The following SUMF1 variants were observed in gnomAD, a reference collection of about 807,000 sequenced individuals.
SUMF1 encodes the protein formylglycine-generating enzyme.
SUMF1 carries 48 observed loss-of-function variants against 47.6 expected under a neutral mutation model. The ratio of observed to expected loss-of-function variants is 1.01; its 90% confidence interval spans 0.80 to 1.28. The LOEUF (loss-of-function observed/expected upper bound fraction) is 1.28. SUMF1 is among the 50% of genes most tolerant of loss of function. The probability of loss-of-function intolerance (pLI) is 0.00; values close to 1 mark genes in which losing one functional copy is unlikely to be tolerated. For missense variants in SUMF1, 571 were observed against 485.4 expected, an observed-to-expected ratio of 1.18 and a Z score of -1.66; for synonymous variants, 230 against 192.1, an observed-to-expected ratio of 1.20 and a Z score of -1.63.
At chr3:4,142,480 T>A (rs757208770) in intron 8 of SUMF1, among the ~76,000 whole-genome samples, 3 of 152,132 alleles carry the variant, frequency 2.0e-5, no homozygotes, top group African/African-American at 4.8e-5. Flanking sequence ...TATTTTGTAA[T>A]CCTTAATTAT....
At chr3:4,435,829 G>T (rs578190809) in intron 3 of SUMF1, among the ~76,000 whole-genome samples, 2 of 152,190 alleles carry the variant, frequency 1.3e-5, no homozygotes, top group Admixed American at 1.3e-4. Context: ...AAAACTAAGA[G>T]AATTCATTAC....
rs530760338 is a variant in SUMF1 at position 4,416,563 on chromosome 3, G to T, written c.840+565C>A. Among the ~76,000 whole-genome samples, 2 of 152,354 alleles carry T rather than the reference G, an allele frequency of 1.3e-5. 1 individual carries two copies. The highest frequency in any genetic ancestry group is 4.1e-4 in the South Asian group (2 of 4,834). On this transcript the variant is annotated intron_variant, in intron 6 of 8. Coordinates refer to ENST00000272902, the MANE Select transcript of SUMF1 (RefSeq NM_182760.4). ...ACGGTAGTTAAGAGCATGGGCTTTGGAAATAAACCGACCTGGTTCAAATTC... is the reference window on the plus strand; with the variant it reads ...ACGGTAGTTAAGAGCATGGGCTTTGTAAATAAACCGACCTGGTTCAAATTC...
intron 8 of SUMF1, among the ~76,000 whole-genome samples, chr3:4,287,482 A>T (rs561901711): frequency 9.2e-5 from 14 of 152,030 alleles, no homozygotes; most frequent in Non-Finnish European, 1.8e-4. Context: ...CAACCTTCTA[A>T]CTTTGGAATC....
intron 8 of SUMF1, among the ~76,000 whole-genome samples, chr3:4,199,731 G>A (rs564916029): frequency 4.6e-5 from 7 of 151,974 alleles, no homozygotes; most frequent in African/African-American, 1.5e-4. Context: ...TAACAATGTT[G>A]AACATTGTTT....
chr3:4,249,520 C>T (rs180870541), intron 8 of SUMF1, among the ~76,000 whole-genome samples: 191 of 152,134 alleles, frequency 1.3e-3, no homozygotes, highest in African/African-American at 4.4e-3. Flanking sequence ...TTGGGGGCAC[C>T]ACAAATCACG....
intron 9 of SUMF1, among the ~76,000 whole-genome samples, chr3:4,034,770 T>C (rs1694761976): frequency 6.6e-6 from 1 of 151,904 alleles, no homozygotes; most frequent in Non-Finnish European, 1.5e-5. Flanking sequence ...CAGACAGACA[T>C]AAGTAATACA....
intron 8 of SUMF1, among the ~76,000 whole-genome samples, chr3:4,219,015 T>G (rs1241355686): frequency 6.6e-6 from 1 of 152,120 alleles, no homozygotes; most frequent in Non-Finnish European, 1.5e-5. Flanking sequence ...ATCAAAAACA[T>G]TCCGTAAGCT....
intron 3 of SUMF1, among the ~76,000 whole-genome samples, chr3:4,424,678 A>G (rs1702012576): frequency 6.6e-6 from 1 of 152,246 alleles, no homozygotes. Flanking sequence ...ACACTCTGAC[A>G]TGGAAATATG....
At chr3:4,327,724 C>A (rs191269905) in intron 8 of SUMF1, among the ~76,000 whole-genome samples, 162 of 152,108 alleles carry the variant, frequency 1.1e-3, no homozygotes, top group South Asian at 2.3e-3. Flanking sequence ...CAAATAAGCT[C>A]AATATGTCTC....
At chr3:4,327,204 C>G (rs1183286620) in intron 8 of SUMF1, among the ~76,000 whole-genome samples, 1 of 152,182 alleles carries the variant, frequency 6.6e-6, no homozygotes, top group African/African-American at 2.4e-5. Flanking sequence ...TTTCAGTCCT[C>G]TATTAGTTCA....
At chr3:4,046,756 A>C (rs1000207684) in intron 9 of SUMF1, among the ~76,000 whole-genome samples, 1 of 152,172 alleles carries the variant, frequency 6.6e-6, no homozygotes, top group Non-Finnish European at 1.5e-5. Context: ...TCCTACCTGG[A>C]ATTTAAACTC....
chr3:4,035,293 G>C (rs7624815), intron 9 of SUMF1, among the ~76,000 whole-genome samples: 1 of 152,116 alleles, frequency 6.6e-6, no homozygotes, highest in Non-Finnish European at 1.5e-5. Flanking sequence ...GGTAGGGCTA[G>C]ATTCCACCTA....
intron 4 of SUMF1, among the ~76,000 whole-genome samples, 198 bp from the exon 5 acceptor site, chr3:4,418,330 G>A (rs1701785676): frequency 6.6e-6 from 1 of 152,196 alleles, no homozygotes. Flanking sequence ...TCCCAAATGG[G>A]TTACAGTTCC....
chr3:4,340,093 A>T (rs909300166), intron 8 of SUMF1, among the ~76,000 whole-genome samples: 5 of 145,626 alleles, frequency 3.4e-5, no homozygotes, highest in Non-Finnish European at 6.0e-5. Flanking sequence ...ACACACACAC[A>T]GGCACCAATG....
chr3:4,362,212 T>G lies in SUMF1; in HGVS notation c.1057A>C (p.Thr353Pro), dbSNP rs1246083863. 2 of 1,614,208 alleles carry G rather than the reference T, an allele frequency of 1.2e-6. No homozygotes were observed. Among genetic ancestry groups the G allele is most frequent in the Non-Finnish European group, 1.7e-6 (2 of 1,180,016 alleles). ...AGATTCGAAGCAGAGCTATCAGGTG[T>G]GTTCTGGCTCCGAGCAGCACAGCGA... ...RYRCAARSQN[T>P]PDSSASNLGF... Residue 353 changes from threonine to proline, a missense_variant, in exon 9 of 9, where the codon ACA becomes CCA. Thr to Pro is a conservative substitution (Grantham distance 38, BLOSUM62 -1). Coordinates refer to ENST00000272902, the MANE Select transcript of SUMF1 (RefSeq NM_182760.4).
At chr3:4,189,824 C>A (rs1695277964) in intron 8 of SUMF1, among the ~76,000 whole-genome samples, 1 of 152,188 alleles carries the variant, frequency 6.6e-6, no homozygotes, top group Non-Finnish European at 1.5e-5. Context: ...CAGCCCCACA[C>A]TCCCTGACTA....
chr3:4,217,893 A>C (rs1695971141), intron 8 of SUMF1, among the ~76,000 whole-genome samples: 1 of 151,918 alleles, frequency 6.6e-6, no homozygotes, highest in South Asian at 2.1e-4. Flanking sequence ...TCTTTGAAAG[A>C]TAGGTAAGGT....
intron 8 of SUMF1, among the ~76,000 whole-genome samples, chr3:4,080,455 A>G (rs1344572153): frequency 6.6e-6 from 1 of 151,954 alleles, no homozygotes; most frequent in Non-Finnish European, 1.5e-5. Context: ...TACTTGAACC[A>G]ACTCTTCTTT....
At chr3:4,080,820 C>T (rs1692543766) in intron 8 of SUMF1, among the ~76,000 whole-genome samples, 4 of 152,204 alleles carry the variant, frequency 2.6e-5, no homozygotes, top group Admixed American at 6.5e-5. Context: ...TCAAATTTCA[C>T]GAAGACTTTC....
Sources: allele counts gnomAD v4.1 joint callset (sites outside exome capture counted in the v4.1 genomes callset), GRCh38; gene constraint gnomAD v4.1.1; transcripts MANE v1.5; gene names NCBI Gene and HGNC (gene_info 2026-07-23, HGNC 2026-07-21).